NAP1L4: variants seen among roughly 807,000 people sequenced by gnomAD.
NAP1L4 encodes nucleosome assembly protein 1-like 4.
In NAP1L4, 15 loss-of-function variants were observed where a neutral mutation model predicts 58.2. That is an observed-to-expected ratio of 0.26 (90% CI 0.17 to 0.40). The LOEUF (loss-of-function observed/expected upper bound fraction) is 0.40. Among genes scored for constraint, NAP1L4 ranks in the 10% least tolerant of loss-of-function variants. The probability of loss-of-function intolerance (pLI) is 1.00; values close to 1 mark genes in which losing one functional copy is unlikely to be tolerated. For synonymous variants in NAP1L4, 171 were observed against 155.6 expected (o/e 1.10, Z -0.74); for missense variants, 384 against 451.1 (o/e 0.85, Z 1.35).
chr11:2,962,625 G>T (rs1206582687), intron 8 of NAP1L4, among the ~76,000 whole-genome samples: 2 of 151,970 alleles, frequency 1.3e-5, no homozygotes, highest in African/African-American at 4.8e-5. Context: ...CTTTACACTT[G>T]CCTGTATTTT....
At chr11:2,989,935 T>C (rs987991894) in intron 1 of NAP1L4, 2 of 152,232 alleles carry the variant, frequency 1.3e-5, no homozygotes, top group Non-Finnish European at 2.9e-5. Flanking sequence ...CAATGCCCTG[T>C]ACATTTTGAG....
At chr11:2,969,194 C>A (rs1847483177) in intron 7 of NAP1L4, among the ~76,000 whole-genome samples, 1 of 151,942 alleles carries the variant, frequency 6.6e-6, no homozygotes, top group African/African-American at 2.4e-5. Flanking sequence ...TTTCGCGATG[C>A]TGCCCAGGCT....
intron 1 of NAP1L4, chr11:2,990,932 T>C (rs1343279484): frequency 2.8e-6 from 1 of 352,650 alleles, no homozygotes; most frequent in African/African-American, 2.1e-5. Flanking sequence ...CAACCTAATC[T>C]ACATATTTGT....
chr11:2,965,762 C>A (rs930631631), intron 7 of NAP1L4, among the ~76,000 whole-genome samples: 1 of 152,156 alleles, frequency 6.6e-6, no homozygotes, highest in African/African-American at 2.4e-5. Context: ...GATCTCCTGA[C>A]CTTGTGATCC....
intron 14 of NAP1L4, among the ~76,000 whole-genome samples, chr11:2,950,280 T>C (rs1051731780): frequency 2.6e-5 from 4 of 151,740 alleles, no homozygotes; most frequent in Non-Finnish European, 4.4e-5. Flanking sequence ...CAGAGTAGTC[T>C]TTATAAGACA....
intron 7 of NAP1L4, among the ~76,000 whole-genome samples, chr11:2,969,073 C>G (rs1205121334): frequency 6.6e-6 from 1 of 151,390 alleles, no homozygotes; most frequent in African/African-American, 2.4e-5. Context: ...TCACCACAGC[C>G]TCAACCTCCT....
chr11:2,951,966 G>T lies in NAP1L4; in HGVS notation c.1036-157C>A, dbSNP rs945979494. 5 of 705,828 alleles carry T rather than the reference G, an allele frequency of 7.1e-6. No individual in the cohort carries two copies. In the African/African-American group the frequency reaches 8.8e-5, roughly 12 times the overall value. The allele number at this position is 705,828 out of a possible 1,614,324, so 43.7% of individuals were successfully genotyped here. A position where few individuals can be genotyped will look rare whatever the true frequency, so the allele number is the denominator to read the frequency against. ...GCCTCGCTTGCCTGAGGAGCCATTT[G>T]CTTGTGTGCAGCGCATTTTAAAAGC... On this transcript the variant is annotated intron_variant, in intron 12 of 15. Transcript: ENST00000380542. This position sits in a 1 kb window ranked among gnomAD's most constrained non-coding sequence, Gnocchi z 4.0.
rs1435929870 is a variant in NAP1L4 at position 2,971,907 on chromosome 11, G to C, written c.315+195C>G. Among the ~76,000 whole-genome samples the C allele has an allele frequency of 1.3e-5, 2 of 152,194 alleles. No homozygotes were observed. Among genetic ancestry groups the C allele is most frequent in the African/African-American group, 2.4e-5 (1 of 41,452 alleles). ...AGCACTTTATTATAAAATAGGCTTT[G>C]TGGAAGATGATTTTGCCTGACTGCA... On this transcript the variant is annotated intron_variant, in intron 5 of 15. Transcript: ENST00000380542. The surrounding 1 kb of genome is among the most constrained non-coding windows in gnomAD (Gnocchi z 4.2).
chr11:2,979,344 C>T (rs1848164532), intron 1 of NAP1L4, 107 bp from the exon 2 acceptor site: 1 of 859,046 alleles, frequency 1.2e-6, no homozygotes, highest in Admixed American at 2.6e-5. Flanking sequence ...CTAGAAGGGA[C>T]AGGAGGGAAC....
Position 2,951,298 on chromosome 11 carries a change from C to G in NAP1L4, c.1083G>C (p.Glu361Asp). The change falls in exon 14 of 16, where the codon GAG (glutamate) becomes GAC (aspartate). Residue 361 changes from glutamate (E) to aspartate (D), a missense_variant. By Grantham distance (45) the Glu-to-Asp change is conservative. Around this residue, in one of 3 missense-constraint regions of NAP1L4, gnomAD observed 296 missense variants for 360.8 expected, o/e 0.82. Coordinates refer to ENST00000380542, the MANE Select transcript of NAP1L4 (RefSeq NM_005969.4). The surrounding 1 kb of genome is among the most constrained non-coding windows in gnomAD (Gnocchi z 4.0). ...EGEEEELEGDEEGEDEDDAEI... is the reference protein window; with the variant it reads ...EGEEEELEGDDEGEDEDDAEI... ...CCGCATCATCCTCGTCTTCTCCCTC[C>G]TCGTCACCTTCTAATTCCTGTATTT... 1.2e-6 allele frequency: 2 copies of G among 1,614,056 alleles called. No individual in the cohort carries two copies. Among genetic ancestry groups the G allele is most frequent in the Non-Finnish European group, 1.7e-6 (2 of 1,179,952 alleles).
rs1460396824 is a variant in NAP1L4 at position 2,969,995 on chromosome 11, C to T, written c.403-61G>A. ...AAGTTTACAAACAATGCAGCGGCTT[C>T]ACGTAGAATATCGTTGCCGAATCCT... On this transcript the variant is annotated intron_variant, in intron 6 of 15. Transcript: ENST00000380542. 3.9e-6 allele frequency: 6 copies of T among 1,524,572 alleles called. No individual in the cohort carries two copies. In the East Asian group the frequency reaches 9.2e-5, roughly 23 times the overall value. The allele number at this position is 1,524,572 out of a possible 1,614,324, so 94.4% of individuals were successfully genotyped here. A position where few individuals can be genotyped will look rare whatever the true frequency, so the allele number is the denominator to read the frequency against.
At chr11:2,982,573 C>T (rs748638371) in intron 1 of NAP1L4, among the ~76,000 whole-genome samples, 1 of 152,304 alleles carries the variant, frequency 6.6e-6, no homozygotes, top group South Asian at 2.1e-4. Flanking sequence ...TCAGTTTACA[C>T]GAAAAGAAGC....
At chr11:2,991,163 A>C in intron 1 of NAP1L4, 1 of 456,242 alleles carries the variant, frequency 2.2e-6, no homozygotes, top group South Asian at 1.5e-5. Flanking sequence ...GATGTGACAC[A>C]CACGTTAGGG....
chr11:2,979,018 A>C (rs1848141130), intron 2 of NAP1L4, among the ~76,000 whole-genome samples, 189 bp downstream of exon 2: 1 of 152,240 alleles, frequency 6.6e-6, no homozygotes, highest in African/African-American at 2.4e-5. Flanking sequence ...CTGTAGTGTC[A>C]ATGTCTGAGG....
chr11:2,963,579 C>A (rs2133945352), intron 8 of NAP1L4, among the ~76,000 whole-genome samples: 1 of 152,300 alleles, frequency 6.6e-6, no homozygotes, highest in East Asian at 1.9e-4. Flanking sequence ...ACATCCACTG[C>A]CCACCCCTGC....
At chr11:2,969,509 GC>G (rs1381788715) in intron 7 of NAP1L4, among the ~76,000 whole-genome samples, 1 of 152,102 alleles carries the variant, frequency 6.6e-6, no homozygotes, top group Non-Finnish European at 1.5e-5. Context: ...TTTCCCACAG[GC>G]AAGACAACAG....
At chr11:2,967,785 A>G (rs1040424161) in intron 7 of NAP1L4, among the ~76,000 whole-genome samples, 1 of 152,196 alleles carries the variant, frequency 6.6e-6, no homozygotes, top group African/African-American at 2.4e-5. Flanking sequence ...AAAAAGCAAC[A>G]AAAGACACTT....
chr11:2,945,639 G>A lies in NAP1L4; in HGVS notation c.*40C>T. On this transcript the variant is annotated 3_prime_UTR_variant, in exon 16 of 16. Transcript: ENST00000380542. ...CTGCTTGCATTCCGCCGGCTGGCTG[G>A]GTTCCTTCTGTCAATGAAAAAGACA... is the stretch of plus-strand genomic sequence containing the variant. The A allele has an allele frequency of 6.5e-7, 1 of 1,535,960 alleles. No individual in the cohort carries two copies. The highest frequency in any genetic ancestry group is 8.7e-7 in the Non-Finnish European group (1 of 1,146,848).
In NAP1L4 at chr11:2,949,107, C is replaced by G; in HGVS notation, c.*32+120G>C. The G allele has an allele frequency of 1.3e-6, 1 of 748,650 alleles. No individual in the cohort carries two copies. The highest frequency in any genetic ancestry group is 1.9e-5 in the South Asian group (1 of 51,404). The allele number at this position is 748,650 out of a possible 1,614,324, so 46.4% of individuals were successfully genotyped here. ...CATGTAACAGACACCTATGTCAAAC[C>G]TGTGACACAGTGAGTGTACCTGGAC... On this transcript the variant is annotated intron_variant, in intron 15 of 15. Transcript: ENST00000380542. The surrounding 1 kb of genome is among the most constrained non-coding windows in gnomAD (Gnocchi z 4.0).
Sources: gnomAD v4.1 joint callset for allele counts (sites outside exome capture counted in the v4.1 genomes callset) on GRCh38, gnomAD v4.1.1 for gene constraint, gnomAD v4.1.1 regional missense constraint, Gnocchi (gnomAD v3.1) non-coding constraint, MANE v1.5 for transcripts, NCBI Gene and HGNC (gene_info 2026-07-23, HGNC 2026-07-21) for gene names.